Variants in GRIN2A observed in about 807,000 individuals in gnomAD.
GRIN2A encodes the protein glutamate receptor ionotropic, NMDA 2A.
In GRIN2A, 22 loss-of-function variants were observed where a neutral mutation model predicts 113.4. That is an observed-to-expected ratio of 0.19 (90% CI 0.14 to 0.28). GRIN2A has a LOEUF of 0.28. GRIN2A is among the 10% of genes least tolerant of loss of function. GRIN2A has a pLI of 1.00. For missense variants in GRIN2A, 1,502 were observed against 1,887.0 expected, an observed-to-expected ratio of 0.80 and a Z score of 3.78; for synonymous variants, 827 against 738.4, an observed-to-expected ratio of 1.12 and a Z score of -1.94.
chr16:9,918,859 C>T (rs1197492205), intron 3 of GRIN2A, among the ~76,000 whole-genome samples: 1 of 151,576 alleles, frequency 6.6e-6, no homozygotes, highest in Non-Finnish European at 1.5e-5. Context: ...AATTAAACCA[C>T]TACGGGCGTT....
At chr16:10,105,498 A>G (rs1317089313) in intron 2 of GRIN2A, among the ~76,000 whole-genome samples, 1 of 152,058 alleles carries the variant, frequency 6.6e-6, no homozygotes, top group Non-Finnish European at 1.5e-5. Flanking sequence ...ATGTAAAAAA[A>G]AAAAATCAAT....
intron 2 of GRIN2A, among the ~76,000 whole-genome samples, chr16:10,134,493 G>C (rs1262961923): frequency 6.6e-6 from 1 of 151,152 alleles, no homozygotes; most frequent in Non-Finnish European, 1.5e-5. Flanking sequence ...AGGGGGCTGG[G>C]GGAGGGATAG....
chr16:10,043,357 G>A (rs1057209779), intron 2 of GRIN2A, among the ~76,000 whole-genome samples: 3 of 152,138 alleles, frequency 2.0e-5, no homozygotes, highest in African/African-American at 7.2e-5. Context: ...AAAGTGGCAC[G>A]CTAAGAAAGC....
chr16:9,935,639 T>G (rs942103125), intron 3 of GRIN2A, among the ~76,000 whole-genome samples: 4 of 149,882 alleles, frequency 2.7e-5, no homozygotes, highest in Non-Finnish European at 4.4e-5. Flanking sequence ...TATTTCAGAG[T>G]GACATAGTAC....
chr16:10,010,207 T>C lies in GRIN2A; in HGVS notation c.415-71656A>G, dbSNP rs140758738. Among the ~76,000 whole-genome samples, 241 of 152,374 alleles carry C rather than the reference T, an allele frequency of 1.6e-3. 3 individuals carry two copies. The highest frequency in any genetic ancestry group is 5.7e-3 in the African/African-American group (236 of 41,594). On this transcript the variant is annotated intron_variant, in intron 2 of 12. Transcript: ENST00000330684. ...CCTGGTTCTTTCCTTATTTTATTAT[T>C]ATCAAGCTGTTCATTTCAGCACATA...
intron 2 of GRIN2A, among the ~76,000 whole-genome samples, chr16:9,998,121 G>A (rs945446106): frequency 6.6e-6 from 1 of 151,970 alleles, no homozygotes; most frequent in Non-Finnish European, 1.5e-5. Flanking sequence ...AACATGTCTT[G>A]GAGACCTCTC....
intron 2 of GRIN2A, among the ~76,000 whole-genome samples, chr16:10,170,431 G>A (rs1354080595): frequency 6.6e-6 from 1 of 152,162 alleles, no homozygotes; most frequent in Non-Finnish European, 1.5e-5. Context: ...TGATAGCATG[G>A]TGACAATACA....
intron 2 of GRIN2A, among the ~76,000 whole-genome samples, chr16:9,987,239 C>T (rs1436854489): frequency 2.6e-5 from 4 of 152,182 alleles, no homozygotes; most frequent in Non-Finnish European, 5.9e-5. Flanking sequence ...CCAGACCTCG[C>T]TAAATGATTT....
intron 3 of GRIN2A, among the ~76,000 whole-genome samples, chr16:9,917,948 C>A (rs2141572492): frequency 6.6e-6 from 1 of 152,284 alleles, no homozygotes; most frequent in South Asian, 2.1e-4. Context: ...CTATGCAAAG[C>A]AATCCTGCCA....
intron 4 of GRIN2A, among the ~76,000 whole-genome samples, chr16:9,856,624 CAAAAAAA>C (rs1178111932): frequency 1.8e-5 from 1 of 54,810 alleles, no homozygotes; most frequent in African/African-American, 6.1e-5. Context: ...GACTCCATCT[CAAAAAAA>C]AAAAAAAAAA....
chr16:10,072,862 C>G (rs572016905), intron 2 of GRIN2A, among the ~76,000 whole-genome samples: 1 of 150,898 alleles, frequency 6.6e-6, no homozygotes, highest in South Asian at 2.1e-4. Context: ...AAGCCTATGG[C>G]TGGTTTTCAT....
chr16:10,009,043 G>A (rs888912441), intron 2 of GRIN2A, among the ~76,000 whole-genome samples: 1 of 152,190 alleles, frequency 6.6e-6, no homozygotes, highest in Non-Finnish European at 1.5e-5. Context: ...ATGAAAATAC[G>A]TTATATGTCA....
Position 9,764,053 on chromosome 16 carries a change from G to C in GRIN2A, c.3491C>G (p.Thr1164Arg), listed in dbSNP as rs2141131695. ...PSENFRKGDS[T>R]LPMNRNPLHN... ...CAAGGGGTTCCGGTTCATTGGCAGC[G>C]TGGAGTCCCCCTTGCGGAAGTTTTC... The change falls in exon 13 of 13, where the codon ACG becomes AGG. Residue 1164 changes from threonine to arginine, a missense_variant. This residue lies in a region of GRIN2A where 832 missense variants were observed against 789.7 expected (regional missense o/e 1.05). Transcript: ENST00000330684. The C allele has an allele frequency of 6.2e-7, 1 of 1,613,838 alleles. No homozygotes were observed. Among genetic ancestry groups the C allele is most frequent in the Non-Finnish European group, 8.5e-7 (1 of 1,179,738 alleles).
At chr16:9,985,909 A>C (rs569407355) in intron 2 of GRIN2A, among the ~76,000 whole-genome samples, 1 of 152,334 alleles carries the variant, frequency 6.6e-6, no homozygotes, top group South Asian at 2.1e-4. Context: ...CTCTGATGTG[A>C]CTATCATGCA....
chr16:10,000,355 G>C (rs1487475790), intron 2 of GRIN2A, among the ~76,000 whole-genome samples: 1 of 150,122 alleles, frequency 6.7e-6, no homozygotes, highest in Non-Finnish European at 1.5e-5. Flanking sequence ...TACAGAGAAA[G>C]AAAGTTTTTT....
At chr16:9,931,879 A>G (rs1033916582) in intron 3 of GRIN2A, among the ~76,000 whole-genome samples, 35 of 152,214 alleles carry the variant, frequency 2.3e-4, no homozygotes, top group African/African-American at 8.2e-4. Context: ...GCACAAACTT[A>G]ATGCTTTGCA....
chr16:9,841,081 T>C lies in GRIN2A; in HGVS notation c.1352A>G (p.Asn451Ser), dbSNP rs143739614. The change falls in exon 6 of 13, where the codon AAT (asparagine) becomes AGT (serine). Residue 451 changes from asparagine (N) to serine (S), a missense_variant. By Grantham distance (46) the Asn-to-Ser change is conservative (BLOSUM62 1). Transcript: ENST00000330684. The stretch of plus-strand genomic sequence containing the variant: ...GAACCCCTTGCAGCATTTCTTCACA[T>C]TCATCCCCTCATTGGTTGAATTGCT... ...KINNSTNEGM[N>S]VKKCCKGFCI... 9 of 1,613,670 alleles carry C rather than the reference T, an allele frequency of 5.6e-6. No individual in the cohort carries two copies. The highest frequency in any genetic ancestry group is 7.6e-6 in the Non-Finnish European group (9 of 1,179,758).
At chr16:10,007,130 C>A (rs934085726) in intron 2 of GRIN2A, among the ~76,000 whole-genome samples, 2 of 152,160 alleles carry the variant, frequency 1.3e-5, no homozygotes, top group Non-Finnish European at 2.9e-5. Context: ...CTGATTTCCC[C>A]TTCTTTGGGT....
At chr16:9,839,990 C>T (rs963585062) in intron 7 of GRIN2A, among the ~76,000 whole-genome samples, 11 of 152,072 alleles carry the variant, frequency 7.2e-5, no homozygotes, top group Non-Finnish European at 1.6e-4. Flanking sequence ...TGGTGGTGGG[C>T]ACCTATAATC....
Sources: allele counts gnomAD v4.1 joint callset (sites outside exome capture counted in the v4.1 genomes callset), GRCh38; gene constraint gnomAD v4.1.1; regional missense constraint gnomAD v4.1.1; transcripts MANE v1.5; gene names NCBI Gene and HGNC (gene_info 2026-07-23, HGNC 2026-07-21).